The following ABCA8 variants were observed in gnomAD, a reference collection of about 807,000 sequenced individuals.
ABCA8 encodes the protein ABC-type organic anion transporter ABCA8.
In ABCA8, 177 loss-of-function variants were observed where a neutral mutation model predicts 192.3. The observed-to-expected ratio is 0.92, with a 90% CI of 0.81 to 1.04. ABCA8 has a LOEUF of 1.04. Among genes scored for constraint, ABCA8 ranks in the 50% least tolerant of loss-of-function variants. The probability of loss-of-function intolerance (pLI) is 0.00; values close to 1 mark genes in which losing one functional copy is unlikely to be tolerated. For synonymous variants in ABCA8, 642 were observed against 690.2 expected, an observed-to-expected ratio of 0.93 and a Z score of 1.09; for missense variants, 1,915 against 1,904.8, an observed-to-expected ratio of 1.01 and a Z score of -0.10.
intron 33 of ABCA8, 107 bp downstream of exon 33, chr17:68,877,412 G>A: frequency 9.7e-7 from 1 of 1,029,974 alleles, no homozygotes; most frequent in Non-Finnish European, 1.4e-6. Flanking sequence ...AGTGTGACCT[G>A]GGTCAGCATT....
chr17:68,924,004 T>G (rs2143648559), intron 11 of ABCA8, among the ~76,000 whole-genome samples: 1 of 152,318 alleles, frequency 6.6e-6, no homozygotes, highest in South Asian at 2.1e-4. Context: ...TTTGTCCTTC[T>G]TTCTTACTCT....
chr17:68,881,221 A>G lies in ABCA8; in HGVS notation c.3947-10T>C, dbSNP rs559632407. ...AATCCTAAAACTTCACCTGAAAAAA[A>G]GGTTACACTTAATATTAATCTATTT... On this transcript the variant is annotated splice_polypyrimidine_tract_variant and intron_variant, in intron 31 of 39. Coordinates refer to ENST00000586539, the MANE Select transcript of ABCA8 (RefSeq NM_001288985.2). 4.5e-6 allele frequency: 7 copies of G among 1,569,694 alleles called. No individual in the cohort carries two copies. The East Asian group carries it at 6.7e-5, about 15-fold the overall frequency.
Position 68,919,484 on chromosome 17 carries a change from A to G in ABCA8, c.1613-8T>C, listed in dbSNP as rs186360825. ...TATAGATGGTGACTGAACCTGTAAC[A>G]AAGGAAAAGTTAATATCAAGATAAG... is the stretch of plus-strand genomic sequence containing the variant. On this transcript the variant is annotated splice_region_variant and splice_polypyrimidine_tract_variant and intron_variant, in intron 13 of 39. Transcript: ENST00000586539. 4.4e-5 allele frequency: 71 copies of G among 1,607,848 alleles called. No individual in the cohort carries two copies. In the East Asian group the frequency reaches 1.5e-3, roughly 33 times the overall value.
intron 17 of ABCA8, among the ~76,000 whole-genome samples, chr17:68,916,389 T>A (rs2067364308): frequency 6.6e-6 from 1 of 152,150 alleles, no homozygotes; most frequent in Admixed American, 6.6e-5. Flanking sequence ...ATAACTGGAA[T>A]GTTTGTAACA....
chr17:68,892,082 G>T (rs886200642), intron 23 of ABCA8, among the ~76,000 whole-genome samples: 11 of 152,150 alleles, frequency 7.2e-5, no homozygotes, highest in Non-Finnish European at 1.5e-4. Context: ...AGAAGGGAGA[G>T]CAAAATCACC....
At chr17:68,922,333 A>G (rs369658360) in intron 11 of ABCA8, 33 bp from the exon 12 acceptor site, 2 of 1,307,780 alleles carry the variant, frequency 1.5e-6, no homozygotes, top group Admixed American at 3.0e-5. Flanking sequence ...CAAAGTGACA[A>G]TTTTCTTCAG....
At chr17:68,877,043 C>T (rs1009811744) in intron 33 of ABCA8, among the ~76,000 whole-genome samples, 1 of 151,656 alleles carries the variant, frequency 6.6e-6, no homozygotes, top group Admixed American at 6.6e-5. Flanking sequence ...TGACTCTATC[C>T]CCGAGGCTGG....
At chr17:68,953,416 G>C (rs904799469) in intron 1 of ABCA8, among the ~76,000 whole-genome samples, 1 of 152,196 alleles carries the variant, frequency 6.6e-6, no homozygotes, top group African/African-American at 2.4e-5. Context: ...TTATGGGACA[G>C]GATCACACAC....
At chr17:68,879,428 T>G (rs1284872905) in intron 32 of ABCA8, 1 of 152,252 alleles carries the variant, frequency 6.6e-6, no homozygotes, top group Non-Finnish European at 1.5e-5. Flanking sequence ...TCTCTCTTAA[T>G]GCCTTTAATA....
intron 27 of ABCA8, chr17:68,884,651 A>T: frequency 8.5e-7 from 1 of 1,177,554 alleles, no homozygotes; most frequent in Non-Finnish European, 1.0e-6. Flanking sequence ...AACCTCCCCA[A>T]ACAGTGAGAG....
At chr17:68,901,851 A>G (rs900426705) in intron 21 of ABCA8, among the ~76,000 whole-genome samples, 2 of 151,942 alleles carry the variant, frequency 1.3e-5, no homozygotes, top group African/African-American at 2.4e-5. Context: ...TGGTGTGAAT[A>G]TAAAGTGGTA....
chr17:68,913,490 A>T (rs2067273674), intron 17 of ABCA8, among the ~76,000 whole-genome samples: 1 of 151,970 alleles, frequency 6.6e-6, no homozygotes. Flanking sequence ...TTTTAGCCAG[A>T]CTAAAAAAAA....
chr17:68,923,135 CA>C (rs2067591278), intron 11 of ABCA8, among the ~76,000 whole-genome samples: 1 of 151,918 alleles, frequency 6.6e-6, no homozygotes, highest in African/African-American at 2.4e-5. Flanking sequence ...CTTATTTTAT[CA>C]TCTACTATTC....
intron 17 of ABCA8, among the ~76,000 whole-genome samples, chr17:68,908,886 T>C (rs2067163091): frequency 6.6e-6 from 1 of 152,206 alleles, no homozygotes; most frequent in Admixed American, 6.5e-5. Context: ...ATTCGAACAA[T>C]GGAATAATAG....
At chr17:68,951,890 A>G (rs1011903281) in intron 1 of ABCA8, among the ~76,000 whole-genome samples, 1 of 152,202 alleles carries the variant, frequency 6.6e-6, no homozygotes, top group African/African-American at 2.4e-5. Context: ...GCATTAAACC[A>G]TGTATGAATT....
intron 17 of ABCA8, among the ~76,000 whole-genome samples, chr17:68,915,143 A>T (rs2067323135): frequency 6.6e-6 from 1 of 152,164 alleles, no homozygotes. Context: ...ATCCAAATGG[A>T]TTAAAGACTT....
At chr17:68,873,179 C>G (rs1030971722) in intron 37 of ABCA8, among the ~76,000 whole-genome samples, 2 of 152,060 alleles carry the variant, frequency 1.3e-5, no homozygotes, top group African/African-American at 4.8e-5. Flanking sequence ...TCTTTTATGC[C>G]GATTTTTACT....
intron 5 of ABCA8, among the ~76,000 whole-genome samples, chr17:68,936,055 T>C (rs1457137606): frequency 6.6e-6 from 1 of 152,156 alleles, no homozygotes; most frequent in Non-Finnish European, 1.5e-5. Context: ...GGGTTATTTG[T>C]TTTGCTTGTT....
chr17:68,912,988 C>T (rs1202571275), intron 17 of ABCA8, among the ~76,000 whole-genome samples: 5 of 152,022 alleles, frequency 3.3e-5, no homozygotes, highest in South Asian at 2.1e-4. Context: ...CAAGGATACA[C>T]GATATGCTAG....
Sources: allele counts gnomAD v4.1 joint callset (sites outside exome capture counted in the v4.1 genomes callset), GRCh38; gene constraint gnomAD v4.1.1; transcripts MANE v1.5; gene names NCBI Gene and HGNC (gene_info 2026-07-23, HGNC 2026-07-21).